The following USP10 variants were observed in gnomAD, a reference collection of about 807,000 sequenced individuals.
The protein encoded by USP10 is ubiquitin carboxyl-terminal hydrolase 10.
A neutral mutation model predicts 84.5 loss-of-function variants in USP10; 22 were observed. That is an observed-to-expected ratio of 0.26 (90% CI 0.19 to 0.37). USP10 has a LOEUF of 0.37. USP10 is among the 10% of genes least tolerant of loss of function. The pLI is 1.00. For missense variants in USP10, 1,019 were observed against 998.9 expected (o/e 1.02, Z -0.27); for synonymous variants, 454 against 387.6 (o/e 1.17, Z -2.01).
intron 1 of USP10, among the ~76,000 whole-genome samples, chr16:84,729,932 C>G (rs1027168271): frequency 2.0e-5 from 3 of 152,218 alleles, no homozygotes; most frequent in Non-Finnish European, 4.4e-5. Flanking sequence ...AAGTCCTAAG[C>G]TGTTGTCAAT....
intron 3 of USP10, among the ~76,000 whole-genome samples, chr16:84,741,056 C>CT (rs915993954): frequency 2.0e-5 from 3 of 152,238 alleles, no homozygotes; most frequent in Non-Finnish European, 4.4e-5. Context: ...AAGGCCCTTA[C>CT]TGGCCTCCAG....
chr16:84,704,854 AG>A (rs1905271775), intron 1 of USP10: 5 of 1,535,720 alleles, frequency 3.3e-6, no homozygotes, highest in Non-Finnish European at 4.4e-6. Flanking sequence ...CTCCTGGAAT[AG>A]GGCAGGTAAG....
intron 4 of USP10, among the ~76,000 whole-genome samples, chr16:84,751,373 C>T (rs1038507304): frequency 2.6e-5 from 4 of 152,136 alleles, no homozygotes; most frequent in African/African-American, 9.7e-5. Context: ...CATATATTTC[C>T]CCCCGCTCCT....
chr16:84,704,416 G>C (rs962781750), intron 1 of USP10, among the ~76,000 whole-genome samples: 2 of 152,264 alleles, frequency 1.3e-5, no homozygotes, highest in Non-Finnish European at 2.9e-5. Flanking sequence ...AATGGAATTT[G>C]CTGGCCTTGG....
intron 1 of USP10, among the ~76,000 whole-genome samples, chr16:84,700,517 C>G (rs1326875206): frequency 6.6e-6 from 1 of 152,190 alleles, no homozygotes; most frequent in East Asian, 1.9e-4. Context: ...CAGAGCAGCT[C>G]AGGTTGCTGC....
chr16:84,721,640 G>T (rs1004607107), intron 1 of USP10, among the ~76,000 whole-genome samples: 43 of 152,256 alleles, frequency 2.8e-4, no homozygotes, highest in African/African-American at 1.0e-3. Context: ...CCATCCTCCT[G>T]CCTCAGCCCT....
chr16:84,701,918 T>A (rs957560314), intron 1 of USP10, among the ~76,000 whole-genome samples: 2 of 149,944 alleles, frequency 1.3e-5, no homozygotes, highest in African/African-American at 4.9e-5. Context: ...ATAGTTTGAT[T>A]TCTCATAATT....
intron 1 of USP10, among the ~76,000 whole-genome samples, chr16:84,726,692 C>G (rs1438961891): frequency 1.3e-5 from 2 of 152,128 alleles, no homozygotes; most frequent in East Asian, 3.8e-4. Flanking sequence ...TTTTGAAAGC[C>G]CGGGATGGAG....
intron 1 of USP10, among the ~76,000 whole-genome samples, chr16:84,731,474 T>C (rs1909224677): frequency 6.6e-6 from 1 of 152,204 alleles, no homozygotes; most frequent in African/African-American, 2.4e-5. Context: ...ATTCTTGTAT[T>C]TCTCGAATTC....
Position 84,758,715 on chromosome 16 carries a change from G to T in USP10, c.1193-1G>T. The T allele has an allele frequency of 6.2e-7, 1 of 1,608,722 alleles. No homozygotes were observed. Among genetic ancestry groups the T allele is most frequent in the Non-Finnish European group, 8.5e-7 (1 of 1,175,144 alleles). ...TGAAATATGCTTCTTCACTCTTTCA[G>T]AGTTGCTGGAGAATGTAACCCTAAT... On this transcript the variant is annotated splice_acceptor_variant, in intron 4 of 13. Coordinates refer to ENST00000219473, the MANE Select transcript of USP10 (RefSeq NM_005153.3). LOFTEE classifies it high-confidence loss of function.
intron 1 of USP10, chr16:84,732,483 G>C (rs1452210085): frequency 2.6e-6 from 1 of 379,726 alleles, no homozygotes; most frequent in Non-Finnish European, 5.1e-6. Flanking sequence ...GTCTGGCTCT[G>C]TCGCCCCGGC....
At chr16:84,771,530 C>T (rs1419862937) in intron 11 of USP10, among the ~76,000 whole-genome samples, 1 of 152,092 alleles carries the variant, frequency 6.6e-6, no homozygotes, top group East Asian at 1.9e-4. Context: ...CCACCTAATC[C>T]TACTGGTATC....
In USP10 at chr16:84,724,042, C is replaced by G. The variant is rs117403363; in HGVS notation, c.22-9393C>G. On this transcript the variant is annotated intron_variant, in intron 1 of 13. Coordinates refer to ENST00000219473, the MANE Select transcript of USP10 (RefSeq NM_005153.3). ...AATCTTGAACTTCTACTAGGGCTAT[C>G]CCAGATAAAGTTGACTGAATTTACT... is the stretch of plus-strand genomic sequence containing the variant. 5.1e-3 allele frequency among the ~76,000 whole-genome samples: 778 copies of G among 152,310 alleles called. 2 individuals carry two copies. The highest frequency in any genetic ancestry group is 8.0e-3 in the Non-Finnish European group (544 of 68,028).
intron 1 of USP10, among the ~76,000 whole-genome samples, chr16:84,726,379 A>G (rs188086492): frequency 6.6e-6 from 1 of 152,238 alleles, no homozygotes; most frequent in South Asian, 2.1e-4. Context: ...ATGTGTCTTT[A>G]TTGCTGAGGG....
chr16:84,701,826 T>C (rs908092166), intron 1 of USP10, among the ~76,000 whole-genome samples: 5 of 152,184 alleles, frequency 3.3e-5, no homozygotes, highest in Non-Finnish European at 7.3e-5. Flanking sequence ...GGAACGTAAA[T>C]GTTAGCAACA....
intron 1 of USP10, among the ~76,000 whole-genome samples, chr16:84,716,981 T>C (rs1907104696): frequency 6.6e-6 from 1 of 152,210 alleles, no homozygotes; most frequent in Non-Finnish European, 1.5e-5. Context: ...TGCTTCATAG[T>C]AGAGCTTCGG....
intron 1 of USP10, among the ~76,000 whole-genome samples, chr16:84,722,775 G>A (rs1449006117): frequency 6.6e-6 from 1 of 151,988 alleles, no homozygotes; most frequent in Non-Finnish European, 1.5e-5. Flanking sequence ...GGCCAGTCTC[G>A]AACTCCCTAA....
Position 84,761,424 on chromosome 16 carries a change from A to G in USP10, c.1554+1149A>G, listed in dbSNP as rs1053672900. On this transcript the variant is annotated intron_variant, in intron 8 of 13. Coordinates refer to ENST00000219473, the MANE Select transcript of USP10 (RefSeq NM_005153.3). ...GAACTCAGAAAATGCAGAAGCTGGT[A>G]TACCCGTGGCTATGGTTGCTGACAG... Among the ~76,000 whole-genome samples, 6 of 152,360 alleles carry G rather than the reference A, an allele frequency of 3.9e-5. No individual in the cohort carries two copies. In the East Asian group the frequency reaches 1.2e-3, roughly 29 times the overall value.
chr16:84,763,177 C>T (rs753785898), intron 9 of USP10, 89 bp downstream of exon 9: 6 of 701,844 alleles, frequency 8.5e-6, no homozygotes, highest in Middle Eastern at 2.6e-4. Context: ...CTTCCCTGCC[C>T]CTCAGTCGTT....
Sources: gnomAD v4.1 joint callset for allele counts (sites outside exome capture counted in the v4.1 genomes callset) on GRCh38, gnomAD v4.1.1 for gene constraint, MANE v1.5 for transcripts, NCBI Gene and HGNC (gene_info 2026-07-23, HGNC 2026-07-21) for gene names.